The following ADAT1 variants were observed in gnomAD, a reference collection of about 807,000 sequenced individuals.
The protein encoded by ADAT1 is tRNA-specific adenosine deaminase 1.
Under a neutral mutation model 58.6 loss-of-function variants are expected in ADAT1, and 58 were observed. That is an observed-to-expected ratio of 0.99 (90% confidence interval 0.80 to 1.23). The LOEUF is 1.23. Among genes scored for constraint, ADAT1 ranks in the 50% most tolerant of loss-of-function variants. ADAT1 has a pLI of 0.00. For synonymous variants in ADAT1, 254 were observed against 220.8 expected (o/e 1.15, Z -1.33); for missense variants, 741 against 608.6 (o/e 1.22, Z -2.29).
chr16:75,608,923 T>C lies in ADAT1; in HGVS notation c.1109A>G (p.Asp370Gly), dbSNP rs547045625. ...ACTGCGGCTCTGTTCAAATAGTAAA[T>C]CTGACTGCAGTATTTTTAATTCTTG... ...GVQELKILQSDLLFEQSRSAV... is the reference protein window; with the variant it reads ...GVQELKILQSGLLFEQSRSAV... Residue 370 changes from aspartate (D) to glycine (G), a missense_variant, in exon 7 of 10, where the codon GAT becomes GGT. Asp to Gly is a moderately conservative substitution (Grantham distance 94). Transcript: ENST00000564657. 2.5e-6 allele frequency: 4 copies of C among 1,614,224 alleles called. No individual in the cohort carries two copies. Among genetic ancestry groups the C allele is most frequent in the South Asian group, 2.2e-5 (2 of 91,080 alleles).
At chr16:75,621,062 A>G (rs1157305263) in intron 1 of ADAT1, among the ~76,000 whole-genome samples, 1 of 151,972 alleles carries the variant, frequency 6.6e-6, no homozygotes, top group African/African-American at 2.4e-5. Context: ...TCTTAATGTT[A>G]TATATCTGAT....
chr16:75,612,340 A>C lies in ADAT1; in HGVS notation c.946T>G (p.Leu316Val). 2.5e-6 allele frequency: 4 copies of C among 1,614,202 alleles called. No individual in the cohort carries two copies. The highest frequency in any genetic ancestry group is 3.4e-6 in the Non-Finnish European group (4 of 1,180,050). ...WNVLGCQGAL[L>V]MHLLEEPIYL... The stretch of plus-strand genomic sequence containing the variant: ...ATGGGCTCTTCCAGCAAGTGCATCA[A>C]CAGTGCCCCTTGGCATCCGAGGACG... The change falls in exon 6 of 10, where the codon TTG becomes GTG. Residue 316 changes from leucine to valine, a missense_variant. Physicochemically the swap from Leu to Val is conservative, Grantham distance 32 (BLOSUM62 1). Coordinates refer to ENST00000564657, the MANE Select transcript of ADAT1 (RefSeq NM_001324445.2).
chr16:75,620,893 C>T, intron 1 of ADAT1, 73 bp from the exon 2 acceptor site: 1 of 1,324,404 alleles, frequency 7.6e-7, no homozygotes, highest in Non-Finnish European at 1.0e-6. Flanking sequence ...CTCTCATATC[C>T]ATGCTTCGAG....
intron 3 of ADAT1, 54 bp from the exon 4 acceptor site, chr16:75,618,694 G>C (rs760123536): frequency 1.2e-6 from 2 of 1,601,322 alleles, no homozygotes; most frequent in Non-Finnish European, 1.7e-6. Context: ...GAGAGGGTCT[G>C]GTTCCTAGAA....
chr16:75,600,264 C>CA lies in ADAT1; in HGVS notation c.1460dup (p.Phe488ValfsTer24). 3.7e-6 allele frequency: 6 copies of CA among 1,614,174 alleles called. No individual in the cohort carries two copies. The highest frequency in any genetic ancestry group is 5.1e-6 in the Non-Finnish European group (6 of 1,180,012). On this transcript the variant is annotated frameshift_variant, in exon 10 of 10. Transcript: ENST00000564657. LOFTEE classifies it high-confidence loss of function. The stretch of plus-strand genomic sequence containing the variant: ...GTGGGTTTCTGATCCAGGATCCAAA[C>CA]ACCTGCTTCCGGAGTGTGCTCCAGG...
Position 75,612,612 on chromosome 16 carries a change from G to C in ADAT1, c.674C>G (p.Pro225Arg), listed in dbSNP as rs193920811. Residue 225 changes from proline (P) to arginine (R), a missense_variant, in exon 6 of 10, where the codon CCA (proline) becomes CGA (arginine). Pro to Arg is a moderately radical substitution (Grantham distance 103). Coordinates refer to ENST00000564657, the MANE Select transcript of ADAT1 (RefSeq NM_001324445.2). ...ACAGCTGTGGATGCCTGGTGAGATTGGGCCACTTTTCTGCTTGCCAAAACT... is the reference window on the plus strand; with the variant it reads ...ACAGCTGTGGATGCCTGGTGAGATTCGGCCACTTTTCTGCTTGCCAAAACT... ...HQSFGKQKSG[P>R]ISPGIHSCDL... 6.2e-7 allele frequency: 1 copy of C among 1,614,036 alleles called. No individual in the cohort carries two copies.
Position 75,618,438 on chromosome 16 carries a change from G to A in ADAT1, c.293+148C>T, listed in dbSNP as rs900693074. 15 of 403,098 alleles carry A rather than the reference G, an allele frequency of 3.7e-5. No individual in the cohort carries two copies. The East Asian group carries it at 4.6e-4, about 12-fold the overall frequency. The allele number at this position is 403,098 out of a possible 1,614,324, so 25.0% of individuals were successfully genotyped here. Reference sequence around the variant, plus strand: ...GGAGAATTGCTTGAACCCAGCAGGCGGAGGTTGCAGTGAGCTGAGATCATG... The same window carrying A: ...GGAGAATTGCTTGAACCCAGCAGGCAGAGGTTGCAGTGAGCTGAGATCATG... On this transcript the variant is annotated intron_variant, in intron 4 of 9. Coordinates refer to ENST00000564657, the MANE Select transcript of ADAT1 (RefSeq NM_001324445.2).
rs1351457916 is a variant in ADAT1 at position 75,620,620 on chromosome 16, A to G, written c.169+11T>C. 1.5e-5 allele frequency: 24 copies of G among 1,611,982 alleles called. No individual in the cohort carries two copies. The highest frequency in any genetic ancestry group is 1.9e-5 in the Non-Finnish European group (23 of 1,179,562). On this transcript the variant is annotated intron_variant, in intron 2 of 9. Transcript: ENST00000564657. ...CACAGTGAGGAGCATGCCAAGAAGA[A>G]AAAGTCTCACCTTGCACCGGCTTAT...
At chr16:75,606,052 G>GT (rs1491151853) in intron 8 of ADAT1, among the ~76,000 whole-genome samples, 1 of 24,810 alleles carries the variant, frequency 4.0e-5, no homozygotes, top group South Asian at 1.8e-3. Context: ...TTTAGAGATT[G>GT]GGGGGGGGGT....
At position 75,606,051 on chromosome 16, in the gene ADAT1, T is replaced by TGGG. The variant is rs34102606; in HGVS notation, c.1289+2170_1289+2172dup. 4.2e-5 allele frequency among the ~76,000 whole-genome samples: 6 copies of TGGG among 143,052 alleles called. No homozygotes were observed. The East Asian group carries it at 9.4e-4, about 22-fold the overall frequency. The allele number at this position is 143,052 out of a possible 152,430, so 93.8% of individuals were successfully genotyped here. On this transcript the variant is annotated intron_variant, in intron 8 of 9. Coordinates refer to ENST00000564657, the MANE Select transcript of ADAT1 (RefSeq NM_001324445.2). ...TTGCTGTTGTTTGTTTTTTAGAGAT[T>TGGG]GGGGGGGGGGTCTCATTTTGTTGCC...
intron 5 of ADAT1, among the ~76,000 whole-genome samples, chr16:75,616,074 T>C (rs1475694899): frequency 6.6e-6 from 1 of 151,528 alleles, no homozygotes; most frequent in African/African-American, 2.4e-5. Flanking sequence ...AACGGCGCAA[T>C]CTCGGCTCAC....
Position 75,613,667 on chromosome 16 carries a change from C to T in ADAT1, c.425-806G>A, listed in dbSNP as rs541889562. Among the ~76,000 whole-genome samples the T allele has an allele frequency of 9.2e-5, 14 of 152,202 alleles. No individual in the cohort carries two copies. The East Asian group carries it at 1.5e-3, about 17-fold the overall frequency. Reference sequence around the variant, plus strand: ...GCTGTGGCGGCTGTCCTGTACATTACGGAATATTTAGCAGCATACCTGGTC... The same window carrying T: ...GCTGTGGCGGCTGTCCTGTACATTATGGAATATTTAGCAGCATACCTGGTC... On this transcript the variant is annotated intron_variant, in intron 5 of 9. Transcript: ENST00000564657.
chr16:75,598,932 T>C lies in ADAT1; in HGVS notation c.*1284A>G. ...TAGCCACAAAATGCTGAAGAACCAA[T>C]AAGGACCTTGAGTAACCCCAACATG... On this transcript the variant is annotated 3_prime_UTR_variant, in exon 10 of 10. Coordinates refer to ENST00000564657, the MANE Select transcript of ADAT1 (RefSeq NM_001324445.2). The C allele has an allele frequency of 3.0e-6, 3 of 985,372 alleles. No individual in the cohort carries two copies. The highest frequency in any genetic ancestry group is 9.4e-5 in the South Asian group (2 of 21,282). 61.0% of individuals were successfully genotyped at this position (985,372 alleles called of 1,614,324 possible). A position where few individuals can be genotyped will look rare whatever the true frequency, so the allele number is the denominator to read the frequency against.
intron 2 of ADAT1, 104 bp downstream of exon 2, chr16:75,620,527 C>T (rs1567487670): frequency 3.4e-6 from 5 of 1,455,316 alleles, no homozygotes; most frequent in Non-Finnish European, 4.7e-6. Context: ...ATATGCCTAA[C>T]ATCGTAGTTC....
chr16:75,617,943 A>G (rs2151780284), intron 4 of ADAT1, among the ~76,000 whole-genome samples: 1 of 150,340 alleles, frequency 6.7e-6, no homozygotes, highest in African/African-American at 2.4e-5. Flanking sequence ...AAAACCCAGG[A>G]AAAGTTAGCT....
chr16:75,602,072 T>A (rs143193712), intron 9 of ADAT1: 1 of 152,146 alleles, frequency 6.6e-6, no homozygotes, highest in African/African-American at 2.4e-5. Context: ...CGAGATAGTT[T>A]CAGGATGATA....
At position 75,620,713 on chromosome 16, in the gene ADAT1, A is replaced by T. The variant is rs181660580; in HGVS notation, c.87T>A (p.His29Gln). 1.4e-5 allele frequency: 23 copies of T among 1,614,112 alleles called. No homozygotes were observed. Among genetic ancestry groups the T allele is most frequent in the Non-Finnish European group, 1.9e-5 (22 of 1,180,024 alleles). Residue 29 changes from histidine (H) to glutamine (Q), a missense_variant, in exon 2 of 10, where the codon CAT (histidine) becomes CAA (glutamine). Coordinates refer to ENST00000564657, the MANE Select transcript of ADAT1 (RefSeq NM_001324445.2). ...LPKKGKPEPN[H>Q]EWTLLAAVVK... Reference sequence around the variant, plus strand: ...CCACCGCTGCCAATAATGTCCACTCATGGTTTGGCTCAGGCTTCCCCTTCT... The same window carrying T: ...CCACCGCTGCCAATAATGTCCACTCTTGGTTTGGCTCAGGCTTCCCCTTCT...
chr16:75,609,895 G>A (rs912345854), intron 6 of ADAT1, among the ~76,000 whole-genome samples: 12 of 152,002 alleles, frequency 7.9e-5, no homozygotes, highest in African/African-American at 2.9e-4. Context: ...GTAGAGATGG[G>A]ATTTTGCCAT....
In ADAT1 at chr16:75,599,374, G is replaced by T; in HGVS notation, c.*842C>A. ...TGGGATTACAGGCCTGAGCCACCAA[G>T]CCTGGCCACCTTTTGGCTTTTTGGA... On this transcript the variant is annotated 3_prime_UTR_variant, in exon 10 of 10. Transcript: ENST00000564657. The T allele has an allele frequency of 1.0e-6, 1 of 985,792 alleles. No individual in the cohort carries two copies. Among genetic ancestry groups the T allele is most frequent in the Non-Finnish European group, 1.2e-6 (1 of 829,944 alleles). 61.1% of individuals were successfully genotyped at this position (985,792 alleles called of 1,614,324 possible). A position where few individuals can be genotyped will look rare whatever the true frequency, so the allele number is the denominator to read the frequency against.
Sources: allele counts gnomAD v4.1 joint callset (sites outside exome capture counted in the v4.1 genomes callset), GRCh38; gene constraint gnomAD v4.1.1; transcripts MANE v1.5; gene names NCBI Gene and HGNC (gene_info 2026-07-23, HGNC 2026-07-21).